Variants in ROCK2 observed in about 807,000 individuals in gnomAD.
ROCK2 encodes Rho associated coiled-coil containing protein kinase 2.
A neutral mutation model predicts 195.1 loss-of-function variants in ROCK2; 61 were observed. The observed-to-expected ratio is 0.31, with a 90% CI of 0.25 to 0.39. The LOEUF (loss-of-function observed/expected upper bound fraction) is 0.39, where lower values mean the gene tolerates loss of function less well. Ranked by LOEUF, ROCK2 falls within the 10% of genes least tolerant of loss-of-function variation. The pLI is 1.00. For missense variants in ROCK2, 1,109 were observed against 1,637.4 expected (o/e 0.68, Z 5.57); for synonymous variants, 504 against 545.5 (o/e 0.92, Z 1.06).
chr2:11,308,640 C>G (rs1380636978), intron 1 of ROCK2: 4 of 1,437,726 alleles, frequency 2.8e-6, no homozygotes, highest in Non-Finnish European at 3.9e-6. Context: ...GTGCAAGATA[C>G]TCCTGTGGCT....
Position 11,314,828 on chromosome 2 carries a change from C to T in ROCK2, c.142-27092G>A, listed in dbSNP as rs375295541. ...AAATAGCATATCCAAAAACTTTCTCCTGTGAAAAGAGCTGCAAAAAAGGAA... is the reference window on the plus strand; with the variant it reads ...AAATAGCATATCCAAAAACTTTCTCTTGTGAAAAGAGCTGCAAAAAAGGAA... On this transcript the variant is annotated intron_variant, in intron 1 of 32. Transcript: ENST00000315872. Among the ~76,000 whole-genome samples the T allele has an allele frequency of 1.6e-3, 236 of 151,998 alleles. 1 individual carries two copies. The highest frequency in any genetic ancestry group is 6.8e-3 in the Middle Eastern group (2 of 294).
intron 20 of ROCK2, among the ~76,000 whole-genome samples, chr2:11,203,790 T>A (rs1296438326): frequency 1.3e-5 from 2 of 152,126 alleles, no homozygotes; most frequent in East Asian, 3.8e-4. Flanking sequence ...TCTCCATGAG[T>A]CAAAGATGTG....
At chr2:11,299,714 G>A (rs913679788) in intron 1 of ROCK2, among the ~76,000 whole-genome samples, 4 of 152,104 alleles carry the variant, frequency 2.6e-5, no homozygotes, top group Admixed American at 1.3e-4. Flanking sequence ...TTTAAAGGAC[G>A]CACGCTTCTC....
intron 3 of ROCK2, among the ~76,000 whole-genome samples, chr2:11,286,114 A>C: frequency 6.6e-6 from 1 of 150,424 alleles, no homozygotes; most frequent in Non-Finnish European, 1.5e-5. Context: ...AGTTATTGTC[A>C]ACATTTCTTA....
At chr2:11,202,697 C>T (rs1438287231) in intron 20 of ROCK2, among the ~76,000 whole-genome samples, 3 of 151,992 alleles carry the variant, frequency 2.0e-5, no homozygotes, top group Non-Finnish European at 4.4e-5. Context: ...GGGGTTTCAC[C>T]GTGTTAGCCA....
Position 11,344,177 on chromosome 2 carries a change from G to A in ROCK2, c.-41C>T. The A allele has an allele frequency of 2.9e-6, 4 of 1,388,590 alleles. No individual in the cohort carries two copies. Among genetic ancestry groups the A allele is most frequent in the Non-Finnish European group, 3.7e-6 (4 of 1,075,482 alleles). 86.0% of individuals were successfully genotyped at this position (1,388,590 alleles called of 1,614,324 possible). ...CCCGCACTCAGGCTCCTCGCGCTCA[G>A]GTCCCGCAGCCTCGGGGCCTAGCAC... On this transcript the variant is annotated 5_prime_UTR_variant, in exon 1 of 33. Transcript: ENST00000315872. This position sits in a 1 kb window ranked among gnomAD's most constrained non-coding sequence, Gnocchi z 5.4.
chr2:11,326,951 G>C (rs568699657), intron 1 of ROCK2, among the ~76,000 whole-genome samples: 6 of 152,170 alleles, frequency 3.9e-5, no homozygotes. Context: ...TAAGTTTAAA[G>C]AAAGAAAAGA....
chr2:11,284,718 T>C (rs1485032611), intron 3 of ROCK2, among the ~76,000 whole-genome samples: 1 of 152,224 alleles, frequency 6.6e-6, no homozygotes, highest in African/African-American at 2.4e-5. Flanking sequence ...TTAATGACTC[T>C]TGCCTGCTTA....
At chr2:11,224,101 T>C (rs1664729650) in intron 7 of ROCK2, among the ~76,000 whole-genome samples, 1 of 152,116 alleles carries the variant, frequency 6.6e-6, no homozygotes, top group Admixed American at 6.5e-5. Context: ...TTTTTAGACA[T>C]GAGGGTTAAG....
At chr2:11,284,984 T>C (rs6735090) in intron 3 of ROCK2, among the ~76,000 whole-genome samples, 123,036 of 152,158 alleles carry the variant, frequency 0.81, 51,338 homozygotes, top group East Asian at 0.99. Context: ...AATAGGAGGC[T>C]GGGTGCAGTG....
rs70953372 is a variant in ROCK2 at position 11,248,708 on chromosome 2, CAAAAAAAAAAAA to C, written c.462+941_462+952del. 2.5e-3 allele frequency among the ~76,000 whole-genome samples: 113 copies of C among 45,422 alleles called. 1 individual carries two copies. The highest frequency in any genetic ancestry group is 0.014 in the African/African-American group (100 of 7,404). 29.8% of individuals were successfully genotyped at this position (45,422 alleles called of 152,430 possible). A position where few individuals can be genotyped will look rare whatever the true frequency, so the allele number is the denominator to read the frequency against. The stretch of plus-strand genomic sequence containing the variant: ...TGAGCAACAGAGCAAGACTTCATCT[CAAAAAAAAAAAA>C]AAAAAAAAAAAAAAAAAAGAAAGAA... On this transcript the variant is annotated intron_variant, in intron 4 of 32. Transcript: ENST00000315872.
intron 9 of ROCK2, 135 bp downstream of exon 9, chr2:11,221,060 TAAG>T (rs1386008948): frequency 2.0e-5 from 11 of 541,358 alleles, no homozygotes; most frequent in Non-Finnish European, 3.1e-5. Flanking sequence ...AAAATAAAAT[TAAG>T]AATTCTTCTG....
chr2:11,197,501 T>C lies in ROCK2; in HGVS notation c.3279+25A>G, dbSNP rs1308041084. On this transcript the variant is annotated intron_variant, in intron 26 of 32. Coordinates refer to ENST00000315872, the MANE Select transcript of ROCK2 (RefSeq NM_004850.5). This position sits in a 1 kb window ranked among gnomAD's most constrained non-coding sequence, Gnocchi z 4.9. ...CTACTTCTTAAAAAGAAGTCTTCAGTCTAGAGTCCAAAAAGTATTCTTACT... is the reference window on the plus strand; with the variant it reads ...CTACTTCTTAAAAAGAAGTCTTCAGCCTAGAGTCCAAAAAGTATTCTTACT... 1.9e-6 allele frequency: 3 copies of C among 1,604,500 alleles called. No homozygotes were observed. Among genetic ancestry groups the C allele is most frequent in the Admixed American group, 1.7e-5 (1 of 58,884 alleles).
Position 11,211,777 on chromosome 2 carries a change from G to C in ROCK2, c.2107C>G (p.Gln703Glu). 2 of 1,612,976 alleles carry C rather than the reference G, an allele frequency of 1.2e-6. No individual in the cohort carries two copies. The highest frequency in any genetic ancestry group is 1.7e-6 in the Non-Finnish European group (2 of 1,179,520). The change falls in exon 18 of 33, where the codon CAA becomes GAA. Residue 703 changes from glutamine to glutamate, a missense_variant. Coordinates refer to ENST00000315872, the MANE Select transcript of ROCK2 (RefSeq NM_004850.5). ...GTGGCCTTATGTTCAGCTTCTTCTTGTTCTAGGCTCTGCTGTATAACTTTT... is the reference window on the plus strand; with the variant it reads ...GTGGCCTTATGTTCAGCTTCTTCTTCTTCTAGGCTCTGCTGTATAACTTTT... ...QLKVIQQSLE[Q>E]EEAEHKATKA...
chr2:11,222,184 G>A lies in ROCK2; in HGVS notation c.1008-10C>T, dbSNP rs200158010. 5.5e-5 allele frequency: 81 copies of A among 1,482,198 alleles called. 1 individual carries two copies. Among genetic ancestry groups the A allele is most frequent in the Non-Finnish European group, 2.4e-5 (26 of 1,067,756 alleles). The allele number at this position is 1,482,198 out of a possible 1,614,324, so 91.8% of individuals were successfully genotyped here. ...CCCAAGTCGTACCTCCCTAAACAAT[G>A]CAGTTAAAGATTGTATTATTTAAAA... is the stretch of plus-strand genomic sequence containing the variant. On this transcript the variant is annotated splice_polypyrimidine_tract_variant and intron_variant, in intron 7 of 32. Coordinates refer to ENST00000315872, the MANE Select transcript of ROCK2 (RefSeq NM_004850.5).
At chr2:11,213,530 C>A (rs1367694668) in intron 17 of ROCK2, among the ~76,000 whole-genome samples, 1 of 119,294 alleles carries the variant, frequency 8.4e-6, no homozygotes. Flanking sequence ...CACAGCAGGG[C>A]TGAACAGTTG....
At chr2:11,236,618 C>G (rs1665216275) in intron 4 of ROCK2, among the ~76,000 whole-genome samples, 1 of 152,108 alleles carries the variant, frequency 6.6e-6, no homozygotes, top group African/African-American at 2.4e-5. Flanking sequence ...CCCAAACAGA[C>G]AGAGAAACCA....
chr2:11,202,014 C>T, intron 21 of ROCK2, 38 bp downstream of exon 21: 1 of 1,501,256 alleles, frequency 6.7e-7, no homozygotes, highest in Non-Finnish European at 9.3e-7. Flanking sequence ...AACCAAAACT[C>T]TGTTTGCTAT....
At chr2:11,248,733 A>G (rs1380934655) in intron 4 of ROCK2, among the ~76,000 whole-genome samples, 16 of 145,304 alleles carry the variant, frequency 1.1e-4, no homozygotes, top group Admixed American at 6.3e-4. Flanking sequence ...AAAAAAAAAA[A>G]AAAAAGAAAG....
Sources: allele counts gnomAD v4.1 joint callset (sites outside exome capture counted in the v4.1 genomes callset), GRCh38; gene constraint gnomAD v4.1.1; non-coding constraint Gnocchi (gnomAD v3.1); transcripts MANE v1.5; gene names NCBI Gene and HGNC (gene_info 2026-07-23, HGNC 2026-07-21).